Variants in HECTD4 observed in about 807,000 individuals in gnomAD.
HECTD4 encodes probable E3 ubiquitin-protein ligase HECTD4.
In HECTD4, 114 loss-of-function variants were observed where a neutral mutation model predicts 471.5. The ratio of observed to expected loss-of-function variants is 0.24; its 90% CI spans 0.21 to 0.28. The LOEUF (loss-of-function observed/expected upper bound fraction) is 0.28, where lower values mean the gene tolerates loss of function less well. Among genes scored for constraint, HECTD4 ranks in the 10% least tolerant of loss-of-function variants. The pLI is 1.00. For synonymous variants in HECTD4, 2,012 were observed against 2,256.0 expected (o/e 0.89, Z 3.07); for missense variants, 3,866 against 5,651.5 (o/e 0.68, Z 10.13).
At chr12:112,347,532 A>C (rs768900433) in intron 1 of HECTD4, among the ~76,000 whole-genome samples, 4 of 152,168 alleles carry the variant, frequency 2.6e-5, no homozygotes, top group Non-Finnish European at 5.9e-5. Context: ...AAGAAAGAAA[A>C]GAAAACAGAG....
At position 112,182,664 on chromosome 12, in the gene HECTD4, C is replaced by T. The variant is rs370545072; in HGVS notation, c.10987+395G>A. ...CAAAAAGGAAAAAATGACTTGAATA[C>T]AAGCCCACATTCAAGCCTGTTGCAG... On this transcript the variant is annotated intron_variant, in intron 62 of 75. Coordinates refer to ENST00000682272, the MANE Select transcript of HECTD4 (RefSeq NM_001388303.1). Among the ~76,000 whole-genome samples the T allele has an allele frequency of 2.6e-5, 4 of 152,268 alleles. No homozygotes were observed. The East Asian group carries it at 7.7e-4, about 29-fold the overall frequency.
In HECTD4 at chr12:112,194,807, T is replaced by C. The variant is rs975576261; in HGVS notation, c.8749+78A>G. The C allele has an allele frequency of 9.0e-6, 12 of 1,329,196 alleles. No individual in the cohort carries two copies. The highest frequency in any genetic ancestry group is 1.8e-4 in the Middle Eastern group (1 of 5,462). The allele number at this position is 1,329,196 out of a possible 1,614,324, so 82.3% of individuals were successfully genotyped here. ...CACCATGAGGCATTTCTCGCCCTCATGCAGGGAATGACTACACTGTGCACA... is the reference window on the plus strand; with the variant it reads ...CACCATGAGGCATTTCTCGCCCTCACGCAGGGAATGACTACACTGTGCACA... On this transcript the variant is annotated intron_variant, in intron 56 of 75. Transcript: ENST00000682272. The surrounding 1 kb of genome is among the most constrained non-coding windows in gnomAD (Gnocchi z 4.6).
intron 1 of HECTD4, among the ~76,000 whole-genome samples, chr12:112,338,076 C>A (rs1450323356): frequency 6.6e-6 from 1 of 152,204 alleles, no homozygotes; most frequent in African/African-American, 2.4e-5. Flanking sequence ...TATCACTGGG[C>A]TGAAATCGAA....
intron 72 of HECTD4, among the ~76,000 whole-genome samples, chr12:112,165,145 T>C (rs1402032072): frequency 6.7e-6 from 1 of 149,940 alleles, no homozygotes; most frequent in Non-Finnish European, 1.5e-5. Flanking sequence ...GGTCTTGAAC[T>C]CCTGACCTCG....
At chr12:112,256,177 A>G (rs2034005410) in intron 21 of HECTD4, 143 bp downstream of exon 21, 1 of 542,828 alleles carries the variant, frequency 1.8e-6, no homozygotes, top group Admixed American at 3.8e-5. Context: ...AAAGATAAGA[A>G]CTTTATCTTA....
intron 21 of HECTD4, among the ~76,000 whole-genome samples, chr12:112,255,018 T>C (rs186352958): frequency 3.3e-5 from 5 of 152,336 alleles, no homozygotes; most frequent in Admixed American, 3.3e-4. Flanking sequence ...TTTCTTACCC[T>C]TTGGGGCCTT....
intron 1 of HECTD4, among the ~76,000 whole-genome samples, chr12:112,349,410 AAG>A (rs2036213463): frequency 6.7e-6 from 1 of 150,318 alleles, no homozygotes; most frequent in Non-Finnish European, 1.5e-5. Context: ...AAAAAAAAAA[AAG>A]AAAGAAAAAG....
At chr12:112,262,121 A>G (rs555281699) in intron 17 of HECTD4, 1 of 152,324 alleles carries the variant, frequency 6.6e-6, no homozygotes, top group South Asian at 2.1e-4. Flanking sequence ...AAAAAAATAC[A>G]AACTCTTTGG....
chr12:112,318,246 C>CA (rs1778588214), intron 2 of HECTD4, among the ~76,000 whole-genome samples: 1 of 151,492 alleles, frequency 6.6e-6, no homozygotes, highest in African/African-American at 2.4e-5. Flanking sequence ...GCCTGGGTGA[C>CA]AGAGTGAGAC....
At chr12:112,238,512 G>GA (rs2033566303) in intron 34 of HECTD4, among the ~76,000 whole-genome samples, 1 of 152,182 alleles carries the variant, frequency 6.6e-6, no homozygotes, top group South Asian at 2.1e-4. Context: ...TTGAGGCCAG[G>GA]AGTTTGAGAC....
chr12:112,241,720 T>C (rs932093135), intron 32 of HECTD4, among the ~76,000 whole-genome samples: 1 of 152,166 alleles, frequency 6.6e-6, no homozygotes, highest in East Asian at 1.9e-4. Context: ...TTGGCCTCCT[T>C]AAGTGCTGGG....
At position 112,195,039 on chromosome 12, in the gene HECTD4, C is replaced by G; in HGVS notation, c.8595G>C (p.Leu2865=). 1 of 1,607,202 alleles carries G rather than the reference C, an allele frequency of 6.2e-7. No individual in the cohort carries two copies. Among genetic ancestry groups the G allele is most frequent in the South Asian group, 1.1e-5 (1 of 89,498 alleles). ...HRELLRCEAA[L]ARLYCRMALL... ...GGGCCATGCGGCAGTACAGCCTGGC[C>G]AGCGCAGCCTCGCAGCGCAGCAGCT... is the stretch of plus-strand genomic sequence containing the variant. The change falls in exon 56 of 76, where the codon CTG becomes CTC. Residue 2865 remains leucine (L), a synonymous_variant. Transcript: ENST00000682272.
intron 28 of HECTD4, 95 bp from the exon 29 acceptor site, chr12:112,247,171 G>GT: frequency 1.9e-6 from 2 of 1,037,762 alleles, no homozygotes; most frequent in Non-Finnish European, 2.8e-6. Context: ...AGAAGACACA[G>GT]GGGAAACTAA....
chr12:112,350,102 G>T lies in HECTD4; in HGVS notation c.178-30360C>A, dbSNP rs184712066. On this transcript the variant is annotated intron_variant, in intron 1 of 75. Coordinates refer to ENST00000682272, the MANE Select transcript of HECTD4 (RefSeq NM_001388303.1). ...CCCATGTAGCTGGTCCCACAGGCGC[G>T]CACCACCATGCCTGGCTAATTAATT... is the stretch of plus-strand genomic sequence containing the variant. Among the ~76,000 whole-genome samples the T allele has an allele frequency of 3.3e-5, 5 of 152,106 alleles. No individual in the cohort carries two copies. The East Asian group carries it at 9.7e-4, about 29-fold the overall frequency.
At chr12:112,290,886 A>C (rs1422268636) in intron 7 of HECTD4, among the ~76,000 whole-genome samples, 1 of 151,466 alleles carries the variant, frequency 6.6e-6, no homozygotes, top group African/African-American at 2.4e-5. Context: ...CAAATCACAG[A>C]TAGTTTTGGA....
intron 1 of HECTD4, among the ~76,000 whole-genome samples, chr12:112,367,544 G>A (rs1334681684): frequency 6.6e-6 from 1 of 151,928 alleles, no homozygotes; most frequent in African/African-American, 2.4e-5. Context: ...TTCCGGCAGG[G>A]CCCAGTGGCT....
chr12:112,209,364 T>G (rs1023795507), intron 50 of HECTD4, among the ~76,000 whole-genome samples: 15 of 151,826 alleles, frequency 9.9e-5, no homozygotes, highest in Non-Finnish European at 2.2e-4. Flanking sequence ...TTCGCTCTTA[T>G]TGCCCAGGCT....
At chr12:112,252,277 T>A in intron 23 of HECTD4, 147 bp downstream of exon 23, 1 of 676,208 alleles carries the variant, frequency 1.5e-6, no homozygotes, top group Non-Finnish European at 2.3e-6. Context: ...TACTACTAAC[T>A]GCTAGTAGTT....
chr12:112,204,390 C>T (rs940183508), intron 53 of HECTD4, 96 bp downstream of exon 53: 2 of 1,215,222 alleles, frequency 1.6e-6, no homozygotes, highest in African/African-American at 1.5e-5. Context: ...GGAGAGTCAC[C>T]CTAGGAGAAC....
Sources: gnomAD v4.1 joint callset for allele counts (sites outside exome capture counted in the v4.1 genomes callset) on GRCh38, gnomAD v4.1.1 for gene constraint, Gnocchi (gnomAD v3.1) non-coding constraint, MANE v1.5 for transcripts, NCBI Gene and HGNC (gene_info 2026-07-23, HGNC 2026-07-21) for gene names.